CNTD1: variants seen among roughly 807,000 people sequenced by gnomAD.
The protein encoded by CNTD1 is cyclin N-terminal domain-containing protein 1.
Under a neutral mutation model 36.3 loss-of-function variants are expected in CNTD1, and 17 were observed. The ratio of observed to expected loss-of-function variants is 0.47; its 90% CI spans 0.32 to 0.70. The LOEUF (loss-of-function observed/expected upper bound fraction) is 0.70. CNTD1 is among the 30% of genes least tolerant of loss of function. The pLI, the probability that CNTD1 is intolerant of heterozygous loss-of-function variation, is 0.03. For synonymous variants in CNTD1, 128 were observed against 153.3 expected (o/e 0.83, Z 1.22); for missense variants, 338 against 386.1 (o/e 0.88, Z 1.04).
At chr17:42,799,318 AT>A in intron 1 of CNTD1, 82 bp downstream of exon 1, 1 of 1,416,974 alleles carries the variant, frequency 7.1e-7, no homozygotes, top group Non-Finnish European at 9.4e-7. Context: ...GATTCCGTTG[AT>A]TTTATTCATT....
intron 3 of CNTD1, among the ~76,000 whole-genome samples, chr17:42,804,850 C>A (rs1489878683): frequency 6.6e-6 from 1 of 152,094 alleles, no homozygotes; most frequent in Non-Finnish European, 1.5e-5. Context: ...AAGAAACCTA[C>A]TCCTAGGTTA....
At chr17:42,803,434 C>T (rs1019228309) in intron 1 of CNTD1, among the ~76,000 whole-genome samples, 186 bp from the exon 2 acceptor site, 19 of 152,228 alleles carry the variant, frequency 1.2e-4, no homozygotes, top group African/African-American at 4.6e-4. Flanking sequence ...GCCTCCTTTA[C>T]ATGTCTCTGA....
chr17:42,811,229 C>A lies in CNTD1; in HGVS notation c.*1694C>A. ...TTTTCCTAGGCATCCCTGAACTTGG[C>A]GGGGGAGAAAGGAGGCAGAAGAAAA... On this transcript the variant is annotated 3_prime_UTR_variant, in exon 7 of 7. Transcript: ENST00000588408. 1 of 317,860 alleles carries A rather than the reference C, an allele frequency of 3.1e-6. No homozygotes were observed. The highest frequency in any genetic ancestry group is 5.7e-6 in the Non-Finnish European group (1 of 176,486). 19.7% of individuals were successfully genotyped at this position (317,860 alleles called of 1,614,324 possible).
chr17:42,801,180 G>C (rs1428226174), intron 1 of CNTD1, among the ~76,000 whole-genome samples: 8 of 137,330 alleles, frequency 5.8e-5, no homozygotes, highest in African/African-American at 2.3e-4. Flanking sequence ...GCAAGACTCT[G>C]TCTCCCAAAA....
chr17:42,808,748 A>C lies in CNTD1; in HGVS notation c.823-617A>C, dbSNP rs532399002. Among the ~76,000 whole-genome samples, 5 of 148,544 alleles carry C rather than the reference A, an allele frequency of 3.4e-5. No homozygotes were observed. The South Asian group carries it at 6.4e-4, about 19-fold the overall frequency. ...AACCCTGTCTCAAACAAACAAACAA[A>C]ACAACAACAACAACAAAGGCCAGGC... On this transcript the variant is annotated intron_variant, in intron 6 of 6. Coordinates refer to ENST00000588408, the MANE Select transcript of CNTD1 (RefSeq NM_173478.3).
At position 42,811,011 on chromosome 17, in the gene CNTD1, T is replaced by C. The variant is rs2054989825; in HGVS notation, c.*1476T>C. ...GGGCAGGGACTTGATCATGGGACCA[T>C]TCACGTCATTTTATCTATTAAAGAA... is the stretch of plus-strand genomic sequence containing the variant. On this transcript the variant is annotated 3_prime_UTR_variant, in exon 7 of 7. Transcript: ENST00000588408. The C allele has an allele frequency of 2.2e-6, 3 of 1,333,980 alleles. No individual in the cohort carries two copies. The South Asian group carries it at 4.8e-5, about 21-fold the overall frequency. 82.6% of individuals were successfully genotyped at this position (1,333,980 alleles called of 1,614,324 possible).
Position 42,800,090 on chromosome 17 carries a change from A to AAGG in CNTD1, c.169+854_169+855insAGG, listed in dbSNP as rs58044350. 6.7e-3 allele frequency among the ~76,000 whole-genome samples: 986 copies of AAGG among 146,940 alleles called. 24 individuals are homozygous for AAGG. The highest frequency in any genetic ancestry group is 0.023 in the African/African-American group (887 of 37,776). On this transcript the variant is annotated intron_variant, in intron 1 of 6. Transcript: ENST00000588408. The stretch of plus-strand genomic sequence containing the variant: ...TGTCTAAAAAAAAAAAAAAAAAAAA[A>AAGG]GAGAAAAGAAAGATGAAATAGAGAT...
Position 42,805,781 on chromosome 17 carries a change from A to C in CNTD1, c.477A>C (p.Lys159Asn). 1 of 1,614,076 alleles carries C rather than the reference A, an allele frequency of 6.2e-7. No homozygotes were observed. The highest frequency in any genetic ancestry group is 1.7e-5 in the Admixed American group (1 of 60,020). ...FLQALGYLHT[K>N]EELLESELDV... Reference sequence around the variant, plus strand: ...AGGCTCTAGGCTATCTACACACTAAAGAAGAACTGCTGGAATCAGAGCTTG... The same window carrying C: ...AGGCTCTAGGCTATCTACACACTAACGAAGAACTGCTGGAATCAGAGCTTG... The change falls in exon 4 of 7, where the codon AAA becomes AAC. Residue 159 changes from lysine (K) to asparagine (N), a missense_variant. Lys to Asn is a moderately conservative substitution (Grantham distance 94). Transcript: ENST00000588408.
At position 42,806,685 on chromosome 17, in the gene CNTD1, T is replaced by C. The variant is rs2054884082; in HGVS notation, c.592T>C (p.Cys198Arg). ...TLLEVLGYNG[C>R]LVPAMRLHAT... ...CATACTCCATCTAGGATACAATGGC[T>C]GTTTGGTTCCAGCCATGAGGCTGCA... The change falls in exon 5 of 7, where the codon TGT (cysteine) becomes CGT (arginine). Residue 198 changes from cysteine (C) to arginine (R), a missense_variant. Cys to Arg is a radical substitution (Grantham distance 180). Coordinates refer to ENST00000588408, the MANE Select transcript of CNTD1 (RefSeq NM_173478.3). The C allele has an allele frequency of 1.9e-6, 3 of 1,613,994 alleles. No homozygotes were observed. The African/African-American group carries it at 4.0e-5, about 22-fold the overall frequency.
chr17:42,798,901 G>C lies in CNTD1; in HGVS notation c.-167G>C. The C allele has an allele frequency of 6.9e-7, 1 of 1,444,190 alleles. No homozygotes were observed. The highest frequency in any genetic ancestry group is 9.1e-7 in the Non-Finnish European group (1 of 1,103,694). The allele number at this position is 1,444,190 out of a possible 1,614,324, so 89.5% of individuals were successfully genotyped here. On this transcript the variant is annotated 5_prime_UTR_variant, in exon 1 of 7. Coordinates refer to ENST00000588408, the MANE Select transcript of CNTD1 (RefSeq NM_173478.3). ...GTTGGGGCGGGAAAAAGCTGTGGAG[G>C]GTTCGAGGCTGTGGTGGTAATTGGG...
At position 42,810,764 on chromosome 17, in the gene CNTD1, T is replaced by G. The variant is rs769656999; in HGVS notation, c.*1229T>G. 1 of 1,599,582 alleles carries G rather than the reference T, an allele frequency of 6.3e-7. No individual in the cohort carries two copies. Among genetic ancestry groups the G allele is most frequent in the African/African-American group, 1.3e-5 (1 of 74,352 alleles). ...ACCTCCCCCTAAGGAAAAAAGTCAT[T>G]TGTTATAAAATTGTGAGGACACCCA... On this transcript the variant is annotated 3_prime_UTR_variant, in exon 7 of 7. Transcript: ENST00000588408.
At chr17:42,800,020 C>T (rs1328689350) in intron 1 of CNTD1, among the ~76,000 whole-genome samples, 1 of 144,646 alleles carries the variant, frequency 6.9e-6, no homozygotes, top group South Asian at 2.2e-4. Flanking sequence ...GCTGAGATGG[C>T]GCCACTACAC....
chr17:42,811,587 A>G lies in CNTD1; in HGVS notation c.*2052A>G, dbSNP rs1158534093. The stretch of plus-strand genomic sequence containing the variant: ...CCATTTATACTGTTTTGCCTCCATT[A>G]TTACTGCTGCTTCAATTCTGTTCAA... On this transcript the variant is annotated 3_prime_UTR_variant, in exon 7 of 7. Coordinates refer to ENST00000588408, the MANE Select transcript of CNTD1 (RefSeq NM_173478.3). 6.5e-7 allele frequency: 1 copy of G among 1,549,210 alleles called. No individual in the cohort carries two copies. Among genetic ancestry groups the G allele is most frequent in the East Asian group, 2.3e-5 (1 of 43,904 alleles).
intron 2 of CNTD1, 29 bp downstream of exon 2, chr17:42,803,724 C>A: frequency 6.4e-7 from 1 of 1,562,088 alleles, no homozygotes; most frequent in Non-Finnish European, 8.8e-7. Flanking sequence ...GCCTTTTGAA[C>A]GGCACCTCTC....
chr17:42,803,649 T>C lies in CNTD1; in HGVS notation c.199T>C (p.Cys67Arg), dbSNP rs1724163790. 1 of 1,613,978 alleles carries C rather than the reference T, an allele frequency of 6.2e-7. No individual in the cohort carries two copies. The highest frequency in any genetic ancestry group is 1.3e-5 in the African/African-American group (1 of 74,926). ...EFVFLLSEQW[C>R]LEKSVSYQAV... ...TGTTTTTCTCCTGTCTGAACAATGGTGTCTGGAGAAATCTGTGAGCTACCA... is the reference window on the plus strand; with the variant it reads ...TGTTTTTCTCCTGTCTGAACAATGGCGTCTGGAGAAATCTGTGAGCTACCA... The change falls in exon 2 of 7, where the codon TGT (cysteine) becomes CGT (arginine). Residue 67 changes from cysteine (C) to arginine (R), a missense_variant. Cys to Arg is a radical substitution (Grantham distance 180). Transcript: ENST00000588408.
intron 1 of CNTD1, 112 bp from the exon 2 acceptor site, chr17:42,803,508 C>A: frequency 1.3e-6 from 1 of 762,722 alleles, no homozygotes; most frequent in Non-Finnish European, 2.2e-6. Flanking sequence ...ATCTTTCTCA[C>A]CTCCTGACCC....
chr17:42,801,524 T>A (rs1366126355), intron 1 of CNTD1, among the ~76,000 whole-genome samples: 4,184 of 75,048 alleles, frequency 0.056, 483 homozygotes, highest in South Asian at 0.18. Flanking sequence ...TATATATATA[T>A]ATATATATAT....
At position 42,809,795 on chromosome 17, in the gene CNTD1, A is replaced by G. The variant is rs2054954655; in HGVS notation, c.*260A>G. ...CATTTTTGTTTAACAAGGTATTTAT[A>G]CTTTTAGCTTAATTTCATTAAGAGG... On this transcript the variant is annotated 3_prime_UTR_variant, in exon 7 of 7. Coordinates refer to ENST00000588408, the MANE Select transcript of CNTD1 (RefSeq NM_173478.3). The G allele has an allele frequency of 5.5e-6, 2 of 361,308 alleles. No individual in the cohort carries two copies. Among genetic ancestry groups the G allele is most frequent in the African/African-American group, 2.1e-5 (1 of 47,362 alleles). The allele number at this position is 361,308 out of a possible 1,614,324, so 22.4% of individuals were successfully genotyped here.
At position 42,798,946 on chromosome 17, in the gene CNTD1, G is replaced by A; in HGVS notation, c.-122G>A. ...ATTGGGTTTTCCTCAGACTTGAGGC[G>A]ACGACACACTCATTGGAAGGGGACG... On this transcript the variant is annotated 5_prime_UTR_variant, in exon 1 of 7. Coordinates refer to ENST00000588408, the MANE Select transcript of CNTD1 (RefSeq NM_173478.3). The A allele has an allele frequency of 6.8e-7, 1 of 1,471,008 alleles. No homozygotes were observed. The highest frequency in any genetic ancestry group is 9.0e-7 in the Non-Finnish European group (1 of 1,112,622). The allele number at this position is 1,471,008 out of a possible 1,614,324, so 91.1% of individuals were successfully genotyped here.
Sources: allele counts gnomAD v4.1 joint callset (sites outside exome capture counted in the v4.1 genomes callset), GRCh38; gene constraint gnomAD v4.1.1; transcripts MANE v1.5; gene names NCBI Gene and HGNC (gene_info 2026-07-23, HGNC 2026-07-21).